GATAD2B: variants seen among roughly 807,000 people sequenced by gnomAD.
GATAD2B encodes the protein GATA zinc finger domain containing 2B.
In GATAD2B, 8 loss-of-function variants were observed where a neutral mutation model predicts 64.3. That is an observed-to-expected ratio of 0.12 (90% CI 0.07 to 0.22). GATAD2B has a LOEUF of 0.22. Among genes scored for constraint, GATAD2B ranks in the 10% least tolerant of loss-of-function variants. The pLI is 1.00. For missense variants in GATAD2B, 453 were observed against 752.0 expected (o/e 0.60, Z 4.65); for synonymous variants, 281 against 271.3 (o/e 1.04, Z -0.35).
At chr1:153,871,127 C>T (rs982334513) in intron 1 of GATAD2B, among the ~76,000 whole-genome samples, 10 of 152,018 alleles carry the variant, frequency 6.6e-5, no homozygotes, top group African/African-American at 2.4e-4. Context: ...AGTGCAGTGG[C>T]GCGATCTCGG....
At chr1:153,860,261 G>A (rs1422250032) in intron 1 of GATAD2B, among the ~76,000 whole-genome samples, 2 of 152,074 alleles carry the variant, frequency 1.3e-5, no homozygotes, top group African/African-American at 4.8e-5. Context: ...TCTTATTACT[G>A]AATTACTTGT....
At chr1:153,916,137 T>A (rs1678256425) in intron 1 of GATAD2B, among the ~76,000 whole-genome samples, 1 of 151,922 alleles carries the variant, frequency 6.6e-6, no homozygotes, top group African/African-American at 2.4e-5. Flanking sequence ...AAAAATTATC[T>A]GGGTGTAGTG....
chr1:153,805,598 C>G lies in GATAD2B; in HGVS notation c.*4579G>C, dbSNP rs868332976. On this transcript the variant is annotated 3_prime_UTR_variant, in exon 11 of 11. Transcript: ENST00000368655. ...ATTGTCATACACATAACCACTTCAA[C>G]GCGAGTCACTTTCAGTTCCTCCCTG... The G allele has an allele frequency of 1.7e-4, 26 of 152,326 alleles. No individual in the cohort carries two copies. The highest frequency in any genetic ancestry group is 5.8e-4 in the African/African-American group (24 of 41,562). 9.4% of individuals were successfully genotyped at this position (152,326 alleles called of 1,614,324 possible).
Position 153,816,137 on chromosome 1 carries a change from A to G in GATAD2B, c.1216+136T>C. 1.6e-6 allele frequency: 1 copy of G among 626,088 alleles called. No homozygotes were observed. Among genetic ancestry groups the G allele is most frequent in the East Asian group, 2.7e-5 (1 of 36,688 alleles). 38.8% of individuals were successfully genotyped at this position (626,088 alleles called of 1,614,324 possible). A position where few individuals can be genotyped will look rare whatever the true frequency, so the allele number is the denominator to read the frequency against. On this transcript the variant is annotated intron_variant, in intron 7 of 10. Coordinates refer to ENST00000368655, the MANE Select transcript of GATAD2B (RefSeq NM_020699.4). This position sits in a 1 kb window ranked among gnomAD's most constrained non-coding sequence, Gnocchi z 4.9. ...ACATGTTGCTCCCAAACAGCTGTAA[A>G]GAAGGGAGGGAGGTGGTTTGGTAAC... is the stretch of plus-strand genomic sequence containing the variant.
chr1:153,894,690 G>A (rs1440200179), intron 1 of GATAD2B, among the ~76,000 whole-genome samples: 2 of 151,498 alleles, frequency 1.3e-5, no homozygotes, highest in East Asian at 2.0e-4. Flanking sequence ...GGGAAACCCC[G>A]TCTCTACTAA....
rs35262137 is a variant in GATAD2B, at chr1:153,839,108, C to CAAAAAAAAAAA, written c.-1-10771_-1-10761dup. Among the ~76,000 whole-genome samples, 175 of 78,536 alleles carry CAAAAAAAAAAA rather than the reference C, an allele frequency of 2.2e-3. 9 individuals are homozygous for CAAAAAAAAAAA. Among genetic ancestry groups the CAAAAAAAAAAA allele is most frequent in the East Asian group, 0.013 (26 of 2,072 alleles). 51.5% of individuals were successfully genotyped at this position (78,536 alleles called of 152,430 possible). A position where few individuals can be genotyped will look rare whatever the true frequency, so the allele number is the denominator to read the frequency against. On this transcript the variant is annotated intron_variant, in intron 1 of 10. Coordinates refer to ENST00000368655, the MANE Select transcript of GATAD2B (RefSeq NM_020699.4). Reference sequence around the variant, plus strand: ...TGGGTGACAGAACGAGACCCTGTCTCAAAAAAAAAAAAAAAAAAAAAAAAA... The same window carrying CAAAAAAAAAAA: ...TGGGTGACAGAACGAGACCCTGTCTCAAAAAAAAAAAAAAAAAAAAAAAAAAAAAAAAAAAA...
intron 1 of GATAD2B, among the ~76,000 whole-genome samples, chr1:153,871,347 G>A (rs1011311416): frequency 1.3e-5 from 2 of 151,936 alleles, no homozygotes; most frequent in Admixed American, 6.6e-5. Context: ...TTACAGGCGT[G>A]AGCGACCACA....
intron 1 of GATAD2B, among the ~76,000 whole-genome samples, chr1:153,871,070 G>C (rs545525845): frequency 3.4e-5 from 5 of 148,702 alleles, no homozygotes; most frequent in African/African-American, 9.9e-5. Context: ...GGTGTTTTTT[G>C]TTTTTTGTTT....
intron 1 of GATAD2B, among the ~76,000 whole-genome samples, chr1:153,838,814 T>C (rs1290456316): frequency 6.6e-6 from 1 of 152,118 alleles, no homozygotes; most frequent in African/African-American, 2.4e-5. Context: ...AAAAGCAGTA[T>C]ATAAGAAGGC....
chr1:153,870,322 G>A (rs1413989699), intron 1 of GATAD2B, among the ~76,000 whole-genome samples: 1 of 152,148 alleles, frequency 6.6e-6, no homozygotes, highest in African/African-American at 2.4e-5. Context: ...TGTAATTCCA[G>A]CACTATGGGA....
Position 153,880,092 on chromosome 1 carries a change from T to C in GATAD2B, c.-2+42641A>G, listed in dbSNP as rs372265705. On this transcript the variant is annotated intron_variant, in intron 1 of 10. Transcript: ENST00000368655. The stretch of plus-strand genomic sequence containing the variant: ...TAGTTAATAGATATTACTTGCTCTA[T>C]TATCTGGCTTTTTGCTTCTCCTTAA... Among the ~76,000 whole-genome samples, 48 of 152,218 alleles carry C rather than the reference T, an allele frequency of 3.2e-4. 1 individual carries two copies. In the East Asian group the frequency reaches 3.3e-3, roughly 10 times the overall value.
chr1:153,805,972 G>C lies in GATAD2B; in HGVS notation c.*4205C>G, dbSNP rs1674102546. On this transcript the variant is annotated 3_prime_UTR_variant, in exon 11 of 11. Coordinates refer to ENST00000368655, the MANE Select transcript of GATAD2B (RefSeq NM_020699.4). ...CTCTCACTAGGTGAAATTTCCTCAG[G>C]ATGACTTATTAAAATCCTTTCTATC... is the stretch of plus-strand genomic sequence containing the variant. 1 of 152,096 alleles carries C rather than the reference G, an allele frequency of 6.6e-6. No individual in the cohort carries two copies. The highest frequency in any genetic ancestry group is 1.5e-5 in the Non-Finnish European group (1 of 68,018). The allele number at this position is 152,096 out of a possible 1,614,324, so 9.4% of individuals were successfully genotyped here.
chr1:153,830,127 C>T (rs1349355573), intron 1 of GATAD2B, among the ~76,000 whole-genome samples: 1 of 152,072 alleles, frequency 6.6e-6, no homozygotes, highest in Non-Finnish European at 1.5e-5. Context: ...AAAAATGAAA[C>T]ACACACCCTT....
At chr1:153,821,376 T>C (rs929608276) in intron 2 of GATAD2B, among the ~76,000 whole-genome samples, 1 of 151,984 alleles carries the variant, frequency 6.6e-6, no homozygotes, top group African/African-American at 2.4e-5. Context: ...CAACCAAACT[T>C]AGGTAAGGAA....
chr1:153,913,987 G>A (rs545983499), intron 1 of GATAD2B, among the ~76,000 whole-genome samples: 1 of 151,430 alleles, frequency 6.6e-6, no homozygotes, highest in African/African-American at 2.4e-5. Context: ...GCTCACGCCT[G>A]TAATCCCATC....
chr1:153,913,163 G>A (rs2101969992), intron 1 of GATAD2B, among the ~76,000 whole-genome samples: 1 of 152,118 alleles, frequency 6.6e-6, no homozygotes, highest in Non-Finnish European at 1.5e-5. Context: ...GCTGACCTCA[G>A]GCGATCCACC....
chr1:153,833,243 A>G (rs1300952631), intron 1 of GATAD2B, among the ~76,000 whole-genome samples: 1 of 152,156 alleles, frequency 6.6e-6, no homozygotes, highest in Non-Finnish European at 1.5e-5. Context: ...GAATTAGGCT[A>G]AATCTACTCT....
At chr1:153,889,657 T>C in intron 1 of GATAD2B, 2 of 800,148 alleles carry the variant, frequency 2.5e-6, no homozygotes, top group Non-Finnish European at 3.0e-6. Flanking sequence ...TGCGTGAACG[T>C]CAAATTTAAA....
intron 1 of GATAD2B, among the ~76,000 whole-genome samples, chr1:153,919,147 C>T (rs1678355400): frequency 1.3e-5 from 2 of 152,142 alleles, no homozygotes; most frequent in Admixed American, 6.6e-5. Flanking sequence ...CTGGATCTGA[C>T]CACTTCATAT....
Sources: gnomAD v4.1 joint callset for allele counts (sites outside exome capture counted in the v4.1 genomes callset) on GRCh38, gnomAD v4.1.1 for gene constraint, Gnocchi (gnomAD v3.1) non-coding constraint, MANE v1.5 for transcripts, NCBI Gene and HGNC (gene_info 2026-07-23, HGNC 2026-07-21) for gene names.